The following ZNF808 variants were observed in gnomAD, a reference collection of about 807,000 sequenced individuals.
The protein encoded by ZNF808 is zinc finger protein 808.
Under a neutral mutation model 8.7 loss-of-function variants are expected in ZNF808, and 5 were observed. The observed-to-expected ratio is 0.58, with a 90% CI of 0.30 to 1.21. The LOEUF is 1.21. Among genes scored for constraint, ZNF808 ranks in the 50% most tolerant of loss-of-function variants. The probability of loss-of-function intolerance (pLI) is 0.07; values close to 1 mark genes in which losing one functional copy is unlikely to be tolerated. For synonymous variants in ZNF808, 380 were observed against 366.0 expected, an observed-to-expected ratio of 1.04 and a Z score of -0.44; for missense variants, 1,103 against 1,098.4, an observed-to-expected ratio of 1.00 and a Z score of -0.06.
intron 4 of ZNF808, among the ~76,000 whole-genome samples, chr19:52,549,705 C>G (rs908412406): frequency 6.6e-6 from 1 of 152,068 alleles, no homozygotes; most frequent in African/African-American, 2.4e-5. Flanking sequence ...TCCACCCTTG[C>G]CCTTCCTTTC....
At chr19:52,552,787 G>T (rs561912332) in intron 4 of ZNF808, among the ~76,000 whole-genome samples, 2 of 149,272 alleles carry the variant, frequency 1.3e-5, no homozygotes, top group African/African-American at 4.9e-5. Context: ...TCCTTGATGT[G>T]ACAGTGATAT....
intron 4 of ZNF808, among the ~76,000 whole-genome samples, chr19:52,548,125 T>C (rs1237612774): frequency 6.6e-6 from 1 of 152,182 alleles, no homozygotes; most frequent in Non-Finnish European, 1.5e-5. Context: ...TCATCTTCTC[T>C]AAGCAGCAGT....
rs1192740687 is a variant in ZNF808, at chr19:52,555,243, C to T, written c.2327C>T (p.Ser776Leu). The T allele has an allele frequency of 1.9e-6, 3 of 1,613,998 alleles. No homozygotes were observed. Among genetic ancestry groups the T allele is most frequent in the African/African-American group, 2.7e-5 (2 of 74,894 alleles). Residue 776 changes from serine to leucine, a missense_variant, in exon 5 of 5, where the codon TCA becomes TTA. Transcript: ENST00000359798. ...TGTGGCAATACCTTCCGTCACTGGT[C>T]ATCCCTTGTATACCATCGTAGACTT... ...NDCGNTFRHWSSLVYHRRLHT... is the reference protein window; with the variant it reads ...NDCGNTFRHWLSLVYHRRLHT...
At chr19:52,560,951 C>T (rs2059854269), downstream of ZNF808, among the ~76,000 whole-genome samples, 1 of 152,064 alleles carries the variant, frequency 6.6e-6, no homozygotes, top group South Asian at 2.1e-4. Flanking sequence ...TGAGCCCCTC[C>T]CCTCCAACAC....
rs11330924 is a variant in ZNF808 at position 52,537,687 on chromosome 19, C to CAA, written c.-20+4693_-20+4694dup. Among the ~76,000 whole-genome samples, 909 of 117,064 alleles carry CAA rather than the reference C, an allele frequency of 7.8e-3. 8 individuals carry two copies. Among genetic ancestry groups the CAA allele is most frequent in the African/African-American group, 0.024 (807 of 34,290 alleles). 76.8% of individuals were successfully genotyped at this position (117,064 alleles called of 152,430 possible). On this transcript the variant is annotated intron_variant, in intron 2 of 4. Coordinates refer to ENST00000359798, the MANE Select transcript of ZNF808 (RefSeq NM_001039886.4). ...TGGTCAAAAGAGCAAGACCCTGTCTCAAAAAAAAAAAAAAAAGGGTGGGGG... is the reference window on the plus strand; with the variant it reads ...TGGTCAAAAGAGCAAGACCCTGTCTCAAAAAAAAAAAAAAAAAAGGGTGGGGG...
At chr19:52,539,547 G>GTTTT (rs2059649076) in intron 2 of ZNF808, among the ~76,000 whole-genome samples, 5 of 73,358 alleles carry the variant, frequency 6.8e-5, no homozygotes, top group Admixed American at 1.8e-4. Context: ...TTGTTGTGGT[G>GTTTT]GTTTTTTTTT....
intron 3 of ZNF808, among the ~76,000 whole-genome samples, chr19:52,562,746 C>G (rs977390348): frequency 2.6e-5 from 4 of 151,806 alleles, no homozygotes; most frequent in African/African-American, 4.8e-5. Context: ...GTTGTGATAT[C>G]ATAATTGAAC....
downstream of ZNF808, among the ~76,000 whole-genome samples, chr19:52,566,935 C>G (rs1220684998): frequency 6.7e-6 from 1 of 149,804 alleles, no homozygotes; most frequent in African/African-American, 2.5e-5. Context: ...CGTACTTGCA[C>G]ACTAAAATAC....
exon 4 of ZNF808, chr19:52,564,269 G>A (rs546063686): frequency 7.7e-5 from 60 of 780,536 alleles, no homozygotes; most frequent in African/African-American, 7.3e-4. Flanking sequence ...TTTATGCTGT[G>A]TGAGCATCAT....
chr19:52,535,791 T>C (rs952816083), intron 2 of ZNF808, among the ~76,000 whole-genome samples: 3 of 152,224 alleles, frequency 2.0e-5, no homozygotes, highest in East Asian at 1.9e-4. Flanking sequence ...TGAATCATGC[T>C]TCAGCCTTCC....
rs1036548070 is a variant in ZNF808, at chr19:52,554,339, A to G, written c.1423A>G (p.Arg475Gly). Reference sequence around the variant, plus strand: ...TAATTCACAGCTGGCACGACATAGAAGAATTCACACTGGAGAGAAAACTTA... The same window carrying G: ...TAATTCACAGCTGGCACGACATAGAGGAATTCACACTGGAGAGAAAACTTA... ...TCNSQLARHR[R>G]IHTGEKTYKC... The change falls in exon 5 of 5, where the codon AGA becomes GGA. Residue 475 changes from arginine to glycine, a missense_variant. Physicochemically the swap from Arg to Gly is moderately radical, Grantham distance 125. Coordinates refer to ENST00000359798, the MANE Select transcript of ZNF808 (RefSeq NM_001039886.4). The G allele has an allele frequency of 1.2e-6, 2 of 1,613,990 alleles. No homozygotes were observed. Among genetic ancestry groups the G allele is most frequent in the African/African-American group, 2.7e-5 (2 of 74,892 alleles).
chr19:52,554,733 A>G lies in ZNF808; in HGVS notation c.1817A>G (p.Gln606Arg), dbSNP rs771973030. The G allele has an allele frequency of 3.7e-6, 6 of 1,613,906 alleles. No individual in the cohort carries two copies. The highest frequency in any genetic ancestry group is 4.2e-6 in the Non-Finnish European group (5 of 1,179,882). The change falls in exon 5 of 5, where the codon CAG (glutamine) becomes CGG (arginine). Residue 606 changes from glutamine (Q) to arginine (R), a missense_variant. Physicochemically the swap from Gln to Arg is conservative, Grantham distance 43 (BLOSUM62 1). Transcript: ENST00000359798. ...GAAGCATGTGACAAAGTTTTTGGTC[A>G]GAAATCAGCTCTTGAGTCACATAAG... ...KCEACDKVFG[Q>R]KSALESHKRI...
In ZNF808 at chr19:52,553,962, G is replaced by A. The variant is rs772659533; in HGVS notation, c.1046G>A (p.Gly349Asp). The change falls in exon 5 of 5, where the codon GGC (glycine) becomes GAC (aspartate). Residue 349 changes from glycine (G) to aspartate (D), a missense_variant. Transcript: ENST00000359798. The part of the protein sequence containing the change: ...GEKPYKCNEC[G>D]KAFNQQSHLS... ...AAACCTTACAAGTGTAATGAATGTG[G>A]CAAGGCTTTTAATCAACAATCACAC... 9 of 1,613,728 alleles carry A rather than the reference G, an allele frequency of 5.6e-6. No individual in the cohort carries two copies. Among genetic ancestry groups the A allele is most frequent in the Non-Finnish European group, 7.6e-6 (9 of 1,179,932 alleles).
intron 2 of ZNF808, among the ~76,000 whole-genome samples, chr19:52,534,731 A>G (rs1159630648): frequency 2.0e-5 from 3 of 152,046 alleles, no homozygotes; most frequent in African/African-American, 7.2e-5. Flanking sequence ...TCTACCAAAA[A>G]TATGAAAGTT....
intron 3 of ZNF808, among the ~76,000 whole-genome samples, chr19:52,546,784 C>T (rs1490428741): frequency 6.6e-6 from 1 of 151,254 alleles, no homozygotes; most frequent in East Asian, 1.9e-4. Context: ...GCTGGGAGTA[C>T]AGGCCTGCGC....
At chr19:52,528,305 C>T (rs1054099680) in intron 1 of ZNF808, among the ~76,000 whole-genome samples, 2 of 152,192 alleles carry the variant, frequency 1.3e-5, no homozygotes, top group Admixed American at 1.3e-4. Context: ...TGCCGAGCTC[C>T]AGCCCTTGGA....
rs905705219 is a variant in ZNF808 at position 52,555,686 on chromosome 19, A to C, written c.*58A>C. 4.0e-5 allele frequency: 63 copies of C among 1,558,668 alleles called. No individual in the cohort carries two copies. The African/African-American group carries it at 7.8e-4, about 19-fold the overall frequency. On this transcript the variant is annotated 3_prime_UTR_variant, in exon 5 of 5. Transcript: ENST00000359798. ...TACAACAATTGCAAATCATTGGAGA[A>C]TCCATGATGAAGAGAAATCTTCTGA...
intron 4 of ZNF808, among the ~76,000 whole-genome samples, chr19:52,548,612 T>C (rs1352064669): frequency 6.6e-6 from 1 of 152,122 alleles, no homozygotes; most frequent in Non-Finnish European, 1.5e-5. Flanking sequence ...CTATTACAGA[T>C]GGCAGTTTCA....
Position 52,553,573 on chromosome 19 carries a change from A to C in ZNF808, c.657A>C (p.Pro219=). 1 of 1,614,178 alleles carries C rather than the reference A, an allele frequency of 6.2e-7. No individual in the cohort carries two copies. ...GNNPLNSSLL[P]QKQEVHMREK... The stretch of plus-strand genomic sequence containing the variant: ...ATCCCCTGAATTCTTCATTACTCCC[A>C]CAAAAACAGGAAGTACACATGAGAG... Residue 219 remains proline (P), a synonymous_variant, in exon 5 of 5, where the codon CCA becomes CCC. Transcript: ENST00000359798.
Sources: gnomAD v4.1 joint callset for allele counts (sites outside exome capture counted in the v4.1 genomes callset) on GRCh38, gnomAD v4.1.1 for gene constraint, MANE v1.5 for transcripts, NCBI Gene and HGNC (gene_info 2026-07-23, HGNC 2026-07-21) for gene names.